Variants in NKAIN3 observed in about 807,000 individuals in gnomAD.
NKAIN3 encodes sodium/potassium-transporting ATPase subunit beta-1-interacting protein 3.
Under a neutral mutation model 30.2 loss-of-function variants are expected in NKAIN3, and 25 were observed. The observed-to-expected ratio is 0.83, with a 90% CI of 0.60 to 1.16. The LOEUF (loss-of-function observed/expected upper bound fraction) is 1.16, where lower values mean the gene tolerates loss of function less well. Among genes scored for constraint, NKAIN3 ranks in the 50% most tolerant of loss-of-function variants. The probability of loss-of-function intolerance (pLI) is 0.00; values close to 1 mark genes in which losing one functional copy is unlikely to be tolerated. For synonymous variants in NKAIN3, 91 were observed against 89.6 expected (o/e 1.02, Z -0.09); for missense variants, 225 against 254.1 (o/e 0.89, Z 0.78).
chr8:62,490,770 T>C (rs1211611897), intron 1 of NKAIN3, among the ~76,000 whole-genome samples: 1 of 152,136 alleles, frequency 6.6e-6, no homozygotes, highest in Non-Finnish European at 1.5e-5. Flanking sequence ...TGTCCCTTCA[T>C]ACAGGAAAGA....
intron 1 of NKAIN3, among the ~76,000 whole-genome samples, chr8:62,251,267 A>G (rs907979638): frequency 6.6e-6 from 1 of 152,146 alleles, no homozygotes; most frequent in Non-Finnish European, 1.5e-5. Context: ...GCATTTAACA[A>G]CTGGATTGTA....
intron 4 of NKAIN3, among the ~76,000 whole-genome samples, chr8:62,758,383 T>C (rs1056412305): frequency 6.6e-6 from 1 of 152,174 alleles, no homozygotes; most frequent in African/African-American, 2.4e-5. Flanking sequence ...TTTATAATCA[T>C]ACTGTGGCTG....
At chr8:62,363,969 C>A (rs1374097493) in intron 1 of NKAIN3, among the ~76,000 whole-genome samples, 1 of 152,142 alleles carries the variant, frequency 6.6e-6, no homozygotes, top group Non-Finnish European at 1.5e-5. Flanking sequence ...ATTTCAAAAA[C>A]GATGTGGAAG....
At chr8:62,648,004 G>T (rs944805016) in intron 3 of NKAIN3, among the ~76,000 whole-genome samples, 2 of 152,102 alleles carry the variant, frequency 1.3e-5, no homozygotes, top group Non-Finnish European at 2.9e-5. Flanking sequence ...TGAGAAACAG[G>T]ATGTACAGAA....
intron 1 of NKAIN3, among the ~76,000 whole-genome samples, chr8:62,249,444 C>T (rs959161779): frequency 6.6e-6 from 1 of 152,254 alleles, no homozygotes; most frequent in African/African-American, 2.4e-5. Flanking sequence ...TTTCCCGCCC[C>T]TTGATCCGAT....
rs1036687003 is a variant in NKAIN3 at position 62,983,888 on chromosome 8, T to C, written c.*18481T>C. On this transcript the variant is annotated 3_prime_UTR_variant, in exon 7 of 7. Coordinates refer to ENST00000623646, the MANE Select transcript of NKAIN3 (RefSeq NM_001304533.3). The stretch of plus-strand genomic sequence containing the variant: ...TCAGTGATACAAACAGACATTTTCT[T>C]GTTACATGTGTGGTGATCTGAGAAT... 2.4e-4 allele frequency: 36 copies of C among 152,202 alleles called. No homozygotes were observed. Among genetic ancestry groups the C allele is most frequent in the African/African-American group, 7.7e-4 (32 of 41,440 alleles). 9.4% of individuals were successfully genotyped at this position (152,202 alleles called of 1,614,324 possible). A position where few individuals can be genotyped will look rare whatever the true frequency, so the allele number is the denominator to read the frequency against.
At chr8:62,828,626 C>A (rs1335465692) in intron 4 of NKAIN3, among the ~76,000 whole-genome samples, 1 of 92,958 alleles carries the variant, frequency 1.1e-5, no homozygotes, top group African/African-American at 3.3e-5. Flanking sequence ...GGAGTCAACA[C>A]CCACTCTTTG....
At chr8:62,586,507 T>A (rs1810480888) in intron 2 of NKAIN3, among the ~76,000 whole-genome samples, 1 of 152,146 alleles carries the variant, frequency 6.6e-6, no homozygotes, top group African/African-American at 2.4e-5. Flanking sequence ...CTAAAAAATG[T>A]TACAACAATG....
intron 1 of NKAIN3, among the ~76,000 whole-genome samples, chr8:62,257,964 A>G (rs1812311814): frequency 6.6e-6 from 1 of 152,120 alleles, no homozygotes; most frequent in Non-Finnish European, 1.5e-5. Context: ...GATTTTGGGA[A>G]ATAAATTGTT....
chr8:62,465,540 C>T (rs1806136163), intron 1 of NKAIN3, among the ~76,000 whole-genome samples: 1 of 152,158 alleles, frequency 6.6e-6, no homozygotes, highest in Admixed American at 6.5e-5. Context: ...CCTCTACGTA[C>T]ATTGATAGTC....
chr8:62,887,791 A>AT (rs1203284395), intron 4 of NKAIN3, among the ~76,000 whole-genome samples: 2 of 152,008 alleles, frequency 1.3e-5, no homozygotes, highest in African/African-American at 2.4e-5. Flanking sequence ...ATGCTGACCA[A>AT]TTTTTTCATT....
At chr8:62,808,286 C>T (rs903558251) in intron 4 of NKAIN3, among the ~76,000 whole-genome samples, 1 of 152,142 alleles carries the variant, frequency 6.6e-6, no homozygotes, top group African/African-American at 2.4e-5. Context: ...AACTTGTGAA[C>T]TCTTTAGTAG....
At chr8:62,893,444 T>C (rs1821347477) in intron 4 of NKAIN3, among the ~76,000 whole-genome samples, 1 of 152,208 alleles carries the variant, frequency 6.6e-6, no homozygotes, top group Admixed American at 6.5e-5. Flanking sequence ...TCTAAAATAA[T>C]ATTTCCCTTT....
chr8:62,698,483 C>A (rs922541250), intron 3 of NKAIN3, among the ~76,000 whole-genome samples: 4 of 152,176 alleles, frequency 2.6e-5, no homozygotes, highest in Non-Finnish European at 4.4e-5. Flanking sequence ...GGAGAGCACA[C>A]ACACCCTCTC....
intron 4 of NKAIN3, among the ~76,000 whole-genome samples, chr8:62,830,361 A>G (rs1819158893): frequency 6.6e-6 from 1 of 152,146 alleles, no homozygotes; most frequent in Admixed American, 6.5e-5. Context: ...AATATGCAGA[A>G]GTGTACTAGG....
intron 3 of NKAIN3, among the ~76,000 whole-genome samples, chr8:62,704,305 A>T (rs1814444634): frequency 6.6e-6 from 1 of 151,956 alleles, no homozygotes; most frequent in African/African-American, 2.4e-5. Context: ...TTTCTGCCTA[A>T]ATTTTCCCTT....
intron 3 of NKAIN3, among the ~76,000 whole-genome samples, chr8:62,605,313 A>G (rs1811091006): frequency 6.6e-6 from 1 of 152,064 alleles, no homozygotes; most frequent in Non-Finnish European, 1.5e-5. Flanking sequence ...TAATAACTCA[A>G]CGGAGCTTTC....
intron 2 of NKAIN3, among the ~76,000 whole-genome samples, chr8:62,585,706 T>A (rs1810450330): frequency 6.6e-6 from 1 of 152,168 alleles, no homozygotes; most frequent in African/African-American, 2.4e-5. Flanking sequence ...AGTACTGGTC[T>A]GTGGCCTGGA....
At chr8:62,487,073 A>G (rs1264258162) in intron 1 of NKAIN3, among the ~76,000 whole-genome samples, 2 of 152,210 alleles carry the variant, frequency 1.3e-5, no homozygotes, top group African/African-American at 4.8e-5. Context: ...TTCGTGGACC[A>G]TGCTAGAGCA....
Sources: gnomAD v4.1 joint callset for allele counts (sites outside exome capture counted in the v4.1 genomes callset) on GRCh38, gnomAD v4.1.1 for gene constraint, MANE v1.5 for transcripts, NCBI Gene and HGNC (gene_info 2026-07-23, HGNC 2026-07-21) for gene names.